TOX2: variants seen among roughly 807,000 people sequenced by gnomAD.
TOX2 encodes the protein TOX high mobility group box family member 2, also known as granulosa cell HMG box 1.
Under a neutral mutation model 47.4 loss-of-function variants are expected in TOX2, and 15 were observed. That is an observed-to-expected ratio of 0.32 (90% CI 0.21 to 0.49). The LOEUF (loss-of-function observed/expected upper bound fraction) is 0.49, where lower values mean the gene tolerates loss of function less well. Among genes scored for constraint, TOX2 ranks in the 20% least tolerant of loss-of-function variants. The pLI, the probability that TOX2 is intolerant of heterozygous loss-of-function variation, is 0.99. For synonymous variants in TOX2, 290 were observed against 296.6 expected (o/e 0.98, Z 0.23); for missense variants, 622 against 673.1 (o/e 0.92, Z 0.84).
intron 1 of TOX2, among the ~76,000 whole-genome samples, chr20:43,920,759 A>G (rs2069104632): frequency 6.6e-6 from 1 of 152,144 alleles, no homozygotes; most frequent in Non-Finnish European, 1.5e-5. Context: ...ACCGGTGACC[A>G]TCAGCCTAGA....
intron 7 of TOX2, among the ~76,000 whole-genome samples, chr20:44,066,376 G>A (rs1248702713): frequency 6.6e-6 from 1 of 152,078 alleles, no homozygotes; most frequent in Non-Finnish European, 1.5e-5. Context: ...CCTAGCCCTG[G>A]CCCTTCCCAA....
chr20:43,944,846 A>T (rs926207663), intron 1 of TOX2, among the ~76,000 whole-genome samples: 2 of 152,224 alleles, frequency 1.3e-5, no homozygotes, highest in African/African-American at 4.8e-5. Context: ...AGGTGAAGAA[A>T]CTGAGGCTCA....
chr20:44,020,508 A>G (rs2070958595), intron 3 of TOX2, among the ~76,000 whole-genome samples: 2 of 152,248 alleles, frequency 1.3e-5, no homozygotes, highest in African/African-American at 2.4e-5. Context: ...CCTCTTGGCC[A>G]AGGGCAGTTC....
At chr20:43,958,743 G>A (rs369279839) in intron 1 of TOX2, among the ~76,000 whole-genome samples, 8 of 152,316 alleles carry the variant, frequency 5.3e-5, no homozygotes, top group African/African-American at 1.9e-4. Flanking sequence ...TTCTGGAGGT[G>A]CAGGCTTACA....
intron 1 of TOX2, among the ~76,000 whole-genome samples, chr20:43,971,941 G>C (rs1451004758): frequency 1.3e-5 from 2 of 152,238 alleles, no homozygotes; most frequent in African/African-American, 4.8e-5. Context: ...GAGAGGGGCA[G>C]TGGATGGCTG....
chr20:43,993,319 C>T lies in TOX2; in HGVS notation c.166-13228C>T, dbSNP rs923665070. ...GGAAAGAGATTAGAAGTTAGGAGAT[C>T]ATTGAGGAGGTGATTACAGCAGTCC... On this transcript the variant is annotated intron_variant, in intron 2 of 8. Coordinates refer to ENST00000341197, the MANE Select transcript of TOX2 (RefSeq NM_001098797.2). Among the ~76,000 whole-genome samples the T allele has an allele frequency of 9.5e-4, 145 of 152,264 alleles. 1 individual carries two copies. Among genetic ancestry groups the T allele is most frequent in the Non-Finnish European group, 1.9e-4 (13 of 68,018 alleles).
chr20:43,988,514 T>C (rs1044834470), intron 2 of TOX2, among the ~76,000 whole-genome samples: 1 of 152,242 alleles, frequency 6.6e-6, no homozygotes, highest in Non-Finnish European at 1.5e-5. Flanking sequence ...GAAATGGAGA[T>C]AATAAATCAC....
At chr20:43,992,022 G>A (rs1445376620) in intron 2 of TOX2, among the ~76,000 whole-genome samples, 2 of 152,232 alleles carry the variant, frequency 1.3e-5, no homozygotes, top group African/African-American at 4.8e-5. Context: ...GGAGCTGGGT[G>A]TGCCAGCAGG....
In TOX2 at chr20:44,009,660, A is replaced by C. The variant is rs368253346; in HGVS notation, c.411+2868A>C. ...ACATGCTTAGCGTTTCAGTAATGGA[A>C]CACTAGGCATAAATGGGTTTCCAGT... On this transcript the variant is annotated intron_variant, in intron 3 of 8. Coordinates refer to ENST00000341197, the MANE Select transcript of TOX2 (RefSeq NM_001098797.2). Among the ~76,000 whole-genome samples, 39 of 152,338 alleles carry C rather than the reference A, an allele frequency of 2.6e-4. 1 individual carries two copies. In the South Asian group the frequency reaches 7.9e-3, roughly 31 times the overall value.
At position 43,941,053 on chromosome 20, in the gene TOX2, C is replaced by G. The variant is rs866459596; in HGVS notation, c.99+26063C>G. 2.6e-5 allele frequency among the ~76,000 whole-genome samples: 4 copies of G among 152,226 alleles called. No individual in the cohort carries two copies. The South Asian group carries it at 8.3e-4, about 32-fold the overall frequency. On this transcript the variant is annotated intron_variant, in intron 1 of 8. Transcript: ENST00000341197. ...TACTGCTCATGAGAGGTTCTCAGTA[C>G]TGTGAAAGGAAGGTTCCATGGAAAT...
chr20:44,030,691 C>T (rs1369048166), intron 3 of TOX2, among the ~76,000 whole-genome samples: 1 of 151,958 alleles, frequency 6.6e-6, no homozygotes, highest in African/African-American at 2.4e-5. Flanking sequence ...ATGAGCTCCA[C>T]AGGGCAGGGG....
intron 5 of TOX2, among the ~76,000 whole-genome samples, chr20:44,056,955 GCTA>G (rs1398294546): frequency 1.3e-5 from 2 of 152,110 alleles, no homozygotes; most frequent in African/African-American, 4.8e-5. Context: ...TGTCACCCAG[GCTA>G]GAGGTCAGTG....
chr20:44,031,682 C>T (rs1442726186), intron 3 of TOX2, among the ~76,000 whole-genome samples: 1 of 152,010 alleles, frequency 6.6e-6, no homozygotes, highest in African/African-American at 2.4e-5. Flanking sequence ...CTAAGCTGCC[C>T]ATTAAGAGAC....
At chr20:44,016,569 T>C (rs2070882254) in intron 3 of TOX2, among the ~76,000 whole-genome samples, 1 of 152,180 alleles carries the variant, frequency 6.6e-6, no homozygotes, top group African/African-American at 2.4e-5. Context: ...GCAGCATTCC[T>C]GGCCTCTACT....
At chr20:44,036,601 G>A (rs6073297) in intron 3 of TOX2, among the ~76,000 whole-genome samples, 1 of 152,242 alleles carries the variant, frequency 6.6e-6, no homozygotes, top group East Asian at 1.9e-4. Context: ...TCCACTACCA[G>A]AAGGATTGCC....
chr20:44,049,965 T>A (rs2071480428), intron 3 of TOX2, among the ~76,000 whole-genome samples: 1 of 152,226 alleles, frequency 6.6e-6, no homozygotes, highest in Non-Finnish European at 1.5e-5. Context: ...TGCATGTATC[T>A]TTATGATAGA....
chr20:43,925,508 C>A (rs2069155688), intron 1 of TOX2, among the ~76,000 whole-genome samples: 1 of 152,132 alleles, frequency 6.6e-6, no homozygotes, highest in Non-Finnish European at 1.5e-5. Flanking sequence ...AGGGAGTCTC[C>A]CAGGCAGATT....
chr20:44,039,132 G>A (rs2071290531), intron 3 of TOX2: 1 of 1,260,466 alleles, frequency 7.9e-7, no homozygotes, highest in Admixed American at 2.3e-5. Flanking sequence ...GATGCCGGGA[G>A]GCAACGTGTG....
chr20:43,943,175 G>T (rs1317346914), intron 1 of TOX2, among the ~76,000 whole-genome samples: 1 of 152,164 alleles, frequency 6.6e-6, no homozygotes, highest in African/African-American at 2.4e-5. Flanking sequence ...ACGAGTCAGG[G>T]TTGGGAGGAT....
Sources: gnomAD v4.1 joint callset for allele counts (sites outside exome capture counted in the v4.1 genomes callset) on GRCh38, gnomAD v4.1.1 for gene constraint, MANE v1.5 for transcripts, NCBI Gene and HGNC (gene_info 2026-07-23, HGNC 2026-07-21) for gene names.